Variants in CSMD2 observed in about 807,000 individuals in gnomAD.
The protein encoded by CSMD2 is CUB and sushi domain-containing protein 2.
A neutral mutation model predicts 398.5 loss-of-function variants in CSMD2; 130 were observed. The observed-to-expected ratio is 0.33, with a 90% CI of 0.28 to 0.38. The LOEUF is 0.38. CSMD2 is among the 10% of genes least tolerant of loss of function. The probability of loss-of-function intolerance (pLI) is 1.00; values close to 1 mark genes in which losing one functional copy is unlikely to be tolerated. For synonymous variants in CSMD2, 1,828 were observed against 1,908.5 expected, an observed-to-expected ratio of 0.96 and a Z score of 1.10; for missense variants, 3,829 against 4,764.9, an observed-to-expected ratio of 0.80 and a Z score of 5.78.
chr1:33,732,139 C>A (rs1646741308), intron 15 of CSMD2, among the ~76,000 whole-genome samples: 1 of 151,998 alleles, frequency 6.6e-6, no homozygotes, highest in Non-Finnish European at 1.5e-5. Context: ...CACACACACA[C>A]ACAAAGAAAA....
chr1:33,566,716 A>C (rs1392665202), intron 53 of CSMD2, among the ~76,000 whole-genome samples: 2 of 152,212 alleles, frequency 1.3e-5, no homozygotes, highest in Non-Finnish European at 2.9e-5. Flanking sequence ...AAGGCTAAAA[A>C]CCACAATGTG....
rs1570733802 is a variant in CSMD2 at position 33,559,784 on chromosome 1, C to T, written c.8381-311G>A. Among the ~76,000 whole-genome samples the T allele has an allele frequency of 2.6e-5, 4 of 152,048 alleles. No homozygotes were observed. Among genetic ancestry groups the T allele is most frequent in the East Asian group, 1.9e-4 (1 of 5,182 alleles). On this transcript the variant is annotated intron_variant, in intron 53 of 70. Transcript: ENST00000373381. The surrounding 1 kb of genome is among the most constrained non-coding windows in gnomAD (Gnocchi z 4.0). ...TATCTTACTTTCCTTGCCTCTGATG[C>T]CCTCGGCTCCCCAGATCCATTCTTA...
chr1:33,799,345 C>T (rs1043085055), intron 10 of CSMD2, among the ~76,000 whole-genome samples: 1 of 152,176 alleles, frequency 6.6e-6, no homozygotes, highest in Non-Finnish European at 1.5e-5. Context: ...AACTGGGCTC[C>T]CAGGTACCCC....
intron 3 of CSMD2, among the ~76,000 whole-genome samples, chr1:34,023,068 T>A (rs1649133530): frequency 6.6e-6 from 1 of 152,150 alleles, no homozygotes; most frequent in Non-Finnish European, 1.5e-5. Context: ...ACTCCTGTCC[T>A]CAAATGATCC....
At chr1:33,691,352 C>A (rs1056443074) in intron 25 of CSMD2, among the ~76,000 whole-genome samples, 4 of 152,042 alleles carry the variant, frequency 2.6e-5, no homozygotes, top group African/African-American at 4.8e-5. Context: ...CCAGCAGTGC[C>A]GTGCAGGATG....
intron 10 of CSMD2, among the ~76,000 whole-genome samples, chr1:33,807,381 C>T (rs915027855): frequency 6.6e-6 from 1 of 152,106 alleles, no homozygotes; most frequent in South Asian, 2.1e-4. Context: ...TGCACATGTA[C>T]CCCCGAATCT....
chr1:34,106,978 G>A (rs1660588787), intron 1 of CSMD2, among the ~76,000 whole-genome samples: 1 of 152,130 alleles, frequency 6.6e-6, no homozygotes, highest in Non-Finnish European at 1.5e-5. Context: ...ACTAGTCAAG[G>A]GTTGTTTATT....
At chr1:33,772,787 G>A (rs1292370749) in intron 12 of CSMD2, 36 bp from the exon 13 acceptor site, 2 of 1,585,962 alleles carry the variant, frequency 1.3e-6, no homozygotes, top group South Asian at 2.2e-5. Context: ...AGAGACAAAA[G>A]GTGACTTTAT....
intron 1 of CSMD2, among the ~76,000 whole-genome samples, chr1:34,102,769 T>C (rs1385514461): frequency 2.0e-5 from 3 of 152,196 alleles, no homozygotes; most frequent in Non-Finnish European, 4.4e-5. Flanking sequence ...CCCTTACTTA[T>C]TTCCGGTGTC....
chr1:33,536,445 G>A (rs990335092), intron 62 of CSMD2, among the ~76,000 whole-genome samples: 2 of 152,178 alleles, frequency 1.3e-5, no homozygotes, highest in African/African-American at 2.4e-5. Context: ...GGATGGCCTC[G>A]ATCTCCTGAC....
chr1:33,811,930 T>C (rs1292709839), intron 9 of CSMD2, among the ~76,000 whole-genome samples: 1 of 152,198 alleles, frequency 6.6e-6, no homozygotes, highest in East Asian at 1.9e-4. Context: ...AGCTTAACTA[T>C]ATAAAATGAA....
chr1:34,058,897 C>T (rs1278354375), intron 2 of CSMD2, among the ~76,000 whole-genome samples: 2 of 152,192 alleles, frequency 1.3e-5, no homozygotes, highest in Non-Finnish European at 2.9e-5. Context: ...TAGATCTCAA[C>T]TAGCCTTGAA....
intron 5 of CSMD2, chr1:33,869,103 T>C (rs561117520): frequency 6.6e-6 from 1 of 152,116 alleles, no homozygotes; most frequent in South Asian, 2.1e-4. Context: ...TGGCAAGGGG[T>C]TTATGTGGAA....
chr1:33,836,948 C>T (rs1022127901), intron 6 of CSMD2, among the ~76,000 whole-genome samples: 11 of 152,200 alleles, frequency 7.2e-5, no homozygotes, highest in African/African-American at 1.4e-4. Context: ...TCATCTTCTG[C>T]GTCGCTCACG....
At chr1:33,793,400 A>G (rs1027513423) in intron 10 of CSMD2, among the ~76,000 whole-genome samples, 3 of 152,184 alleles carry the variant, frequency 2.0e-5, no homozygotes, top group Non-Finnish European at 4.4e-5. Flanking sequence ...GGAACATTCC[A>G]GAAGAAATTA....
At chr1:33,854,236 T>C (rs1192985063) in intron 5 of CSMD2, among the ~76,000 whole-genome samples, 3 of 152,208 alleles carry the variant, frequency 2.0e-5, no homozygotes, top group Non-Finnish European at 4.4e-5. Context: ...TCACCATGCA[T>C]TGCTGAACTA....
intron 14 of CSMD2, among the ~76,000 whole-genome samples, chr1:33,741,255 G>A (rs1647055645): frequency 6.6e-6 from 1 of 152,062 alleles, no homozygotes; most frequent in African/African-American, 2.4e-5. Context: ...GCTGTCTGGG[G>A]AGGCAAGCTC....
rs572691727 is a variant in CSMD2 at position 34,006,573 on chromosome 1, A to G, written c.517+26021T>C. On this transcript the variant is annotated intron_variant, in intron 3 of 70. Coordinates refer to ENST00000373381, the MANE Select transcript of CSMD2 (RefSeq NM_001281956.2). ...TATTCTAGGGCTTATCAAACACTTC[A>G]TTGTTTTGCAATTGCTGGTTGACAG... Among the ~76,000 whole-genome samples the G allele has an allele frequency of 4.8e-4, 71 of 149,248 alleles. 1 individual carries two copies. Among genetic ancestry groups the G allele is most frequent in the African/African-American group, 1.7e-3 (68 of 40,986 alleles).
chr1:33,550,488 G>T, intron 55 of CSMD2, 138 bp from the exon 56 acceptor site: 1 of 832,236 alleles, frequency 1.2e-6, no homozygotes, highest in Non-Finnish European at 1.8e-6. Context: ...ACTTCCTGCT[G>T]GCATGCCCAC....
Sources: allele counts gnomAD v4.1 joint callset (sites outside exome capture counted in the v4.1 genomes callset), GRCh38; gene constraint gnomAD v4.1.1; non-coding constraint Gnocchi (gnomAD v3.1); transcripts MANE v1.5; gene names NCBI Gene and HGNC (gene_info 2026-07-23, HGNC 2026-07-21).